The following ADGRG2 variants were observed in gnomAD, a reference collection of about 807,000 sequenced individuals.
ADGRG2 encodes G protein-coupled receptor 64.
In ADGRG2, 26 loss-of-function variants were observed where a neutral mutation model predicts 74.1. The ratio of observed to expected loss-of-function variants is 0.35; its 90% confidence interval spans 0.26 to 0.49. The LOEUF (loss-of-function observed/expected upper bound fraction) is 0.49. ADGRG2 is among the 20% of genes least tolerant of loss of function. The probability of loss-of-function intolerance (pLI) is 0.99; values close to 1 mark genes in which losing one functional copy is unlikely to be tolerated. For missense variants in ADGRG2, 619 were observed against 763.1 expected (o/e 0.81, Z 2.22); for synonymous variants, 296 against 295.2 (o/e 1.00, Z -0.03).
chrX:19,022,927 C>A (rs1042053733), intron 13 of ADGRG2, among the ~76,000 whole-genome samples: 27 of 112,378 alleles, frequency 2.4e-4, no homozygotes, highest in Non-Finnish European at 5.6e-5. Flanking sequence ...CAACCCCTGA[C>A]TTCAAGTGAT....
intron 19 of ADGRG2, 107 bp downstream of exon 19, chrX:19,007,873 A>G (rs2060269394): frequency 3.2e-6 from 2 of 632,565 alleles, no homozygotes; most frequent in African/African-American, 4.5e-5. Context: ...CATTTCGGCA[A>G]TTCATTTGAC....
intron 20 of ADGRG2, 81 bp from the exon 21 acceptor site, chrX:19,006,346 G>A: frequency 1.5e-6 from 1 of 675,084 alleles, no homozygotes; most frequent in Non-Finnish European, 2.3e-6. Flanking sequence ...TATTTGAAAA[G>A]AAAAAAAACT....
At chrX:19,104,471 G>A (rs1356263585) in intron 1 of ADGRG2, among the ~76,000 whole-genome samples, 1 of 112,002 alleles carries the variant, frequency 8.9e-6, no homozygotes, top group Non-Finnish European at 1.9e-5. Flanking sequence ...ACTGTTTGGT[G>A]TCACGCAGAC....
chrX:19,040,006 G>A (rs920566586), intron 4 of ADGRG2, among the ~76,000 whole-genome samples, 183 bp downstream of exon 4: 3 of 111,998 alleles, frequency 2.7e-5, no homozygotes, highest in Non-Finnish European at 5.6e-5. Flanking sequence ...CAATATGGAC[G>A]GATCAATATG....
chrX:19,019,741 T>A, intron 14 of ADGRG2, 76 bp from the exon 15 acceptor site: 1 of 549,653 alleles, frequency 1.8e-6, no homozygotes, highest in Non-Finnish European at 3.2e-6. Context: ...TCAGAACCAT[T>A]AAGTATCACG....
chrX:19,114,300 A>T (rs1454645168), intron 1 of ADGRG2, among the ~76,000 whole-genome samples: 1 of 109,699 alleles, frequency 9.1e-6, no homozygotes, highest in Non-Finnish European at 1.9e-5. Flanking sequence ...TCAGCAACTG[A>T]TCTAGGAGGG....
intron 1 of ADGRG2, among the ~76,000 whole-genome samples, chrX:19,105,927 C>CAAAAAAAA (rs748026875): frequency 2.3e-4 from 7 of 29,983 alleles, no homozygotes; most frequent in African/African-American, 7.7e-4. Context: ...GACTCTGTCT[C>CAAAAAAAA]AAAAAAAAAA....
In ADGRG2 at chrX:19,007,215, C is replaced by T. The variant is rs756637542; in HGVS notation, c.1689+20G>A. On this transcript the variant is annotated intron_variant, in intron 20 of 28. Transcript: ENST00000379869. ...AAGGTGTTCCTGGTCAATGAACAGACGGCACTGGCCTCTCCCCACCTGGCT... is the reference window on the plus strand; with the variant it reads ...AAGGTGTTCCTGGTCAATGAACAGATGGCACTGGCCTCTCCCCACCTGGCT... 1.7e-5 allele frequency: 20 copies of T among 1,204,939 alleles called. No individual in the cohort carries two copies. The highest frequency in any genetic ancestry group is 8.9e-5 in the East Asian group (3 of 33,719).
intron 2 of ADGRG2, among the ~76,000 whole-genome samples, chrX:19,070,019 C>T (rs940478341): frequency 2.7e-5 from 3 of 111,468 alleles, no homozygotes; most frequent in South Asian, 3.8e-4. Flanking sequence ...AACCTGTAGA[C>T]GCTGCTGTGG....
At chrX:19,086,199 G>A (rs2061933399) in intron 1 of ADGRG2, among the ~76,000 whole-genome samples, 1 of 111,345 alleles carries the variant, frequency 9.0e-6, no homozygotes, top group Admixed American at 9.6e-5. Flanking sequence ...GAGCACCAGC[G>A]CTTCAGTGAC....
chrX:19,056,981 A>G (rs1335595532), intron 3 of ADGRG2, among the ~76,000 whole-genome samples: 1 of 111,262 alleles, frequency 9.0e-6, no homozygotes, highest in Non-Finnish European at 1.9e-5. Flanking sequence ...AATGGGAGTG[A>G]TTTCTTTGAA....
chrX:19,064,410 A>G (rs1232679700), intron 3 of ADGRG2, among the ~76,000 whole-genome samples: 2 of 112,429 alleles, frequency 1.8e-5, no homozygotes, highest in African/African-American at 6.5e-5. Flanking sequence ...CTGGAGTCAG[A>G]GACGATGTTC....
intron 13 of ADGRG2, among the ~76,000 whole-genome samples, chrX:19,021,999 C>T (rs2060600005): frequency 9.2e-6 from 1 of 109,199 alleles, no homozygotes; most frequent in South Asian, 4.1e-4. Flanking sequence ...TGCGGTGGCT[C>T]ACACCTGTAA....
chrX:19,034,305 C>T (rs1223450145), intron 7 of ADGRG2: 2 of 111,671 alleles, frequency 1.8e-5, no homozygotes, highest in African/African-American at 6.5e-5. Flanking sequence ...CTTCCAAACA[C>T]GTTTTGGGGA....
chrX:19,056,475 G>A (rs139034812), intron 3 of ADGRG2, among the ~76,000 whole-genome samples: 1,584 of 111,313 alleles, frequency 0.014, 22 homozygotes, highest in African/African-American at 0.047. Flanking sequence ...GTGGTTCTCC[G>A]GGACCCTTGA....
intron 1 of ADGRG2, among the ~76,000 whole-genome samples, chrX:19,116,451 C>T (rs766445391): frequency 1.6e-4 from 15 of 92,388 alleles, no homozygotes; most frequent in African/African-American, 6.6e-4. Flanking sequence ...ACAGAGGTTA[C>T]AGTGAGCCAA....
intron 3 of ADGRG2, among the ~76,000 whole-genome samples, chrX:19,047,878 C>T (rs2061226664): frequency 9.0e-6 from 1 of 111,686 alleles, no homozygotes; most frequent in Non-Finnish European, 1.9e-5. Flanking sequence ...ATATCCAAAA[C>T]ATGTTTACTC....
chrX:19,058,965 A>G (rs751906196), intron 3 of ADGRG2, among the ~76,000 whole-genome samples: 1 of 112,498 alleles, frequency 8.9e-6, no homozygotes, highest in African/African-American at 3.2e-5. Context: ...TTATCTTTAT[A>G]CAGTGCTTTG....
At chrX:19,042,357 A>G (rs2061085201) in intron 3 of ADGRG2, among the ~76,000 whole-genome samples, 1 of 111,261 alleles carries the variant, frequency 9.0e-6, no homozygotes. Context: ...GGCGGGGAGC[A>G]GGATGAAGGC....
Sources: gnomAD v4.1 joint callset for allele counts (sites outside exome capture counted in the v4.1 genomes callset) on GRCh38, gnomAD v4.1.1 for gene constraint, MANE v1.5 for transcripts, NCBI Gene and HGNC (gene_info 2026-07-23, HGNC 2026-07-21) for gene names.